The following ANKRD54 variants were observed in gnomAD, a reference collection of about 807,000 sequenced individuals.
The protein encoded by ANKRD54 is ankyrin repeat domain-containing protein 54.
In ANKRD54, 26 loss-of-function variants were observed where a neutral mutation model predicts 36.2. The observed-to-expected ratio is 0.72, with a 90% CI of 0.53 to 1.00. The LOEUF is 1.00. ANKRD54 is among the 50% of genes least tolerant of loss of function. The pLI is 0.00. For synonymous variants in ANKRD54, 209 were observed against 188.4 expected, an observed-to-expected ratio of 1.11 and a Z score of -0.89; for missense variants, 384 against 424.3, an observed-to-expected ratio of 0.91 and a Z score of 0.83.
upstream of ANKRD54, chr22:37,849,294 TCTTC>T (rs747087146): frequency 5.6e-5 from 52 of 923,430 alleles, no homozygotes; most frequent in African/African-American, 7.0e-4. Context: ...ACGCGGCTCC[TCTTC>T]CTTCTGGATA....
chr22:37,845,800 C>T (rs996425401), upstream of ANKRD54, among the ~76,000 whole-genome samples: 1 of 152,062 alleles, frequency 6.6e-6, no homozygotes, highest in Non-Finnish European at 1.5e-5. Flanking sequence ...ACCTGGGAGG[C>T]AGAGGTTGCG....
intron 4 of ANKRD54, 40 bp downstream of exon 4, chr22:37,833,644 G>C: frequency 6.2e-7 from 1 of 1,607,402 alleles, no homozygotes; most frequent in African/African-American, 1.3e-5. Flanking sequence ...GCCTTTCTTT[G>C]CTGCAAATGA....
chr22:37,842,907 G>A (rs939004622), intron 1 of ANKRD54, among the ~76,000 whole-genome samples: 3 of 152,152 alleles, frequency 2.0e-5, no homozygotes, highest in East Asian at 3.8e-4. Context: ...GGGCTGACCC[G>A]GATTCTAATA....
At chr22:37,832,052 C>A (rs761626432) in intron 7 of ANKRD54, 35 bp from the exon 8 acceptor site, 2 of 1,592,328 alleles carry the variant, frequency 1.3e-6, no homozygotes, top group Non-Finnish European at 1.7e-6. Flanking sequence ...TTATGGGACA[C>A]GGGGTGTGCC....
intron 1 of ANKRD54, among the ~76,000 whole-genome samples, chr22:37,841,316 TG>T (rs1924211978): frequency 6.6e-6 from 1 of 151,936 alleles, no homozygotes; most frequent in African/African-American, 2.4e-5. Flanking sequence ...GCCTGTGCTC[TG>T]GAGTTTGAAA....
In ANKRD54 at chr22:37,843,929, T is replaced by A. The variant is rs1483304568; in HGVS notation, c.310A>T (p.Thr104Ser). The change falls in exon 1 of 8, where the codon ACG becomes TCG. Residue 104 changes from threonine (T) to serine (S), a missense_variant. Physicochemically the swap from Thr to Ser is moderately conservative, Grantham distance 58. Coordinates refer to ENST00000215941, the MANE Select transcript of ANKRD54 (RefSeq NM_138797.4). Reference protein sequence around the residue: ...AARPHRRLGPTGKEVHALKRL... With the variant: ...AARPHRRLGPSGKEVHALKRL... The stretch of plus-strand genomic sequence containing the variant: ...CGCTCACCGTGCACCTCCTTGCCCG[T>A]GGGCCCGAGCCGCCGGTGGGGCCTG... 5 of 1,353,112 alleles carry A rather than the reference T, an allele frequency of 3.7e-6. No individual in the cohort carries two copies. The East Asian group carries it at 1.6e-4, about 43-fold the overall frequency. 83.8% of individuals were successfully genotyped at this position (1,353,112 alleles called of 1,614,324 possible).
At chr22:37,832,599 T>TGCCTGCAGA (rs1453897096) in intron 7 of ANKRD54, 38 bp downstream of exon 7, 11 of 1,590,424 alleles carry the variant, frequency 6.9e-6, no homozygotes, top group Admixed American at 3.4e-5. Context: ...CTGAGGCTCC[T>TGCCTGCAGA]GCCAGGCCCT....
Position 37,840,206 on chromosome 22 carries a change from A to G in ANKRD54, c.357T>C (p.Asn119=), listed in dbSNP as rs777274062. Residue 119 remains asparagine, a synonymous_variant, in exon 2 of 8, where the codon AAT becomes AAC. Coordinates refer to ENST00000215941, the MANE Select transcript of ANKRD54 (RefSeq NM_138797.4). The stretch of plus-strand genomic sequence containing the variant: ...ACTCACCTGTTTCCACATCATTGGC[A>G]TTGGCCGAGTCCCTCAGTCTCTTCA... The part of the protein sequence containing the change: ...HALKRLRDSA[N]ANDVETVQQL... 118 of 1,613,922 alleles carry G rather than the reference A, an allele frequency of 7.3e-5. 1 individual carries two copies. In the South Asian group the frequency reaches 1.3e-3, roughly 17 times the overall value.
In ANKRD54 at chr22:37,831,392, G is replaced by A. The variant is rs916016278; in HGVS notation, c.*551C>T. ...TCTTAACCTTGTATTTTTAAGGTCT[G>A]GGACTCACCAACCCTCCCCTTCCAA... On this transcript the variant is annotated 3_prime_UTR_variant, in exon 8 of 8. Coordinates refer to ENST00000215941, the MANE Select transcript of ANKRD54 (RefSeq NM_138797.4). 1.9e-5 allele frequency: 3 copies of A among 154,304 alleles called. No individual in the cohort carries two copies. Among genetic ancestry groups the A allele is most frequent in the Non-Finnish European group, 4.3e-5 (3 of 69,124 alleles). 9.6% of individuals were successfully genotyped at this position (154,304 alleles called of 1,614,324 possible). A position where few individuals can be genotyped will look rare whatever the true frequency, so the allele number is the denominator to read the frequency against.
rs762161155 is a variant in ANKRD54 at position 37,833,190 on chromosome 22, G to T, written c.564C>A (p.His188Gln). Residue 188 changes from histidine (H) to glutamine (Q), a missense_variant, in exon 5 of 8, where the codon CAC becomes CAA. His to Gln is a conservative substitution (Grantham distance 24). Coordinates refer to ENST00000215941, the MANE Select transcript of ANKRD54 (RefSeq NM_138797.4). ...GTAGCAGTGTGGTGATGACAGGAAC[G>T]TGGTTGGTGCAGGCCGCTGAGGAAG... ...TPLHLAACTN[H>Q]VPVITTLLRG... The T allele has an allele frequency of 6.8e-6, 11 of 1,613,648 alleles. No individual in the cohort carries two copies. Among genetic ancestry groups the T allele is most frequent in the Non-Finnish European group, 8.5e-6 (10 of 1,180,018 alleles).
chr22:37,832,278 C>T (rs546188409), intron 7 of ANKRD54, among the ~76,000 whole-genome samples: 2 of 152,008 alleles, frequency 1.3e-5, no homozygotes, highest in South Asian at 2.1e-4. Context: ...AAGCCTGCAA[C>T]CCCACAATCA....
At chr22:37,849,088 G>A (rs1162161131), upstream of ANKRD54, 2 of 407,488 alleles carry the variant, frequency 4.9e-6, no homozygotes, top group East Asian at 3.8e-5. Flanking sequence ...CCGGGTTCAA[G>A]CGACTCTCCT....
At chr22:37,836,233 G>A (rs890221966) in intron 3 of ANKRD54, among the ~76,000 whole-genome samples, 2 of 150,166 alleles carry the variant, frequency 1.3e-5, no homozygotes, top group African/African-American at 4.9e-5. Context: ...GATCACCTGA[G>A]GTCAGGAGTT....
At position 37,844,160 on chromosome 22, in the gene ANKRD54, G is replaced by A; in HGVS notation, c.79C>T (p.Pro27Ser). 6.7e-7 allele frequency: 1 copy of A among 1,499,076 alleles called. No individual in the cohort carries two copies. Among genetic ancestry groups the A allele is most frequent in the Non-Finnish European group, 8.8e-7 (1 of 1,131,500 alleles). The allele number at this position is 1,499,076 out of a possible 1,614,324, so 92.9% of individuals were successfully genotyped here. The change falls in exon 1 of 8, where the codon CCG becomes TCG. Residue 27 changes from proline (P) to serine (S), a missense_variant. Physicochemically the swap from Pro to Ser is moderately conservative, Grantham distance 74. Around this residue, in one of 3 missense-constraint regions of ANKRD54, gnomAD observed 195 missense variants for 177.7 expected, o/e 1.10. Coordinates refer to ENST00000215941, the MANE Select transcript of ANKRD54 (RefSeq NM_138797.4). ...CCCTCAGCGTCAGTCAGCGGCTCCGGCGCCACCGCGCACTCGCCCTCCGAG... is the reference window on the plus strand; with the variant it reads ...CCCTCAGCGTCAGTCAGCGGCTCCGACGCCACCGCGCACTCGCCCTCCGAG... ...SSSEGECAVA[P>S]EPLTDAEGLF...
upstream of ANKRD54, chr22:37,849,336 G>A (rs896741164): frequency 3.6e-6 from 5 of 1,392,368 alleles, no homozygotes; most frequent in East Asian, 4.6e-5. Flanking sequence ...CAGAGGCCTC[G>A]GAAAGGCTTC....
chr22:37,839,250 T>C (rs1337098907), intron 2 of ANKRD54, among the ~76,000 whole-genome samples: 1 of 152,114 alleles, frequency 6.6e-6, no homozygotes, highest in Non-Finnish European at 1.5e-5. Context: ...AGCCAGCCCA[T>C]AAAGAAAATT....
Position 37,844,176 on chromosome 22 carries a change from G to A in ANKRD54, c.63C>T (p.Gly21=), listed in dbSNP as rs910682211. The A allele has an allele frequency of 1.1e-5, 17 of 1,504,326 alleles. No individual in the cohort carries two copies. The African/African-American group carries it at 1.5e-4, about 13-fold the overall frequency. The allele number at this position is 1,504,326 out of a possible 1,614,324, so 93.2% of individuals were successfully genotyped here. The change falls in exon 1 of 8, where the codon GGC becomes GGT. Residue 21 remains glycine, a synonymous_variant. Transcript: ENST00000215941. ...GCGGCTCCGGCGCCACCGCGCACTCGCCCTCCGAGCTCGAGTGGCCTGAGC... is the reference window on the plus strand; with the variant it reads ...GCGGCTCCGGCGCCACCGCGCACTCACCCTCCGAGCTCGAGTGGCCTGAGC... ...EPRSGHSSSE[G]ECAVAPEPLT...
Position 37,832,631 on chromosome 22 carries a change from G to A in ANKRD54, c.828+6C>T, listed in dbSNP as rs1279623440. Reference sequence around the variant, plus strand: ...CCCTGGGTCTGGGCCTGTGGCTGCAGCTCACCTGCTCTTTGGTACTGGTCA... The same window carrying A: ...CCCTGGGTCTGGGCCTGTGGCTGCAACTCACCTGCTCTTTGGTACTGGTCA... On this transcript the variant is annotated splice_donor_region_variant and intron_variant, in intron 7 of 7. Coordinates refer to ENST00000215941, the MANE Select transcript of ANKRD54 (RefSeq NM_138797.4). 1.2e-6 allele frequency: 2 copies of A among 1,613,744 alleles called. No individual in the cohort carries two copies. Among genetic ancestry groups the A allele is most frequent in the Admixed American group, 3.3e-5 (2 of 59,996 alleles).
intron 1 of ANKRD54, among the ~76,000 whole-genome samples, chr22:37,841,185 A>T (rs1924196306): frequency 6.6e-6 from 1 of 151,692 alleles, no homozygotes; most frequent in Admixed American, 6.6e-5. Context: ...TGAGGCCAGG[A>T]GTTCAAGACC....
Sources: allele counts gnomAD v4.1 joint callset (sites outside exome capture counted in the v4.1 genomes callset), GRCh38; gene constraint gnomAD v4.1.1; regional missense constraint gnomAD v4.1.1; transcripts MANE v1.5; gene names NCBI Gene and HGNC (gene_info 2026-07-23, HGNC 2026-07-21).